BMPER: variants seen among roughly 807,000 people sequenced by gnomAD.
BMPER encodes the protein BMP-binding endothelial regulator protein.
Under a neutral mutation model 87.3 loss-of-function variants are expected in BMPER, and 45 were observed. That is an observed-to-expected ratio of 0.52 (90% CI 0.41 to 0.66). BMPER has a LOEUF of 0.66. Ranked by LOEUF, BMPER falls within the 30% of genes least tolerant of loss-of-function variation. BMPER has a pLI of 0.00. For synonymous variants in BMPER, 326 were observed against 316.2 expected (o/e 1.03, Z -0.33); for missense variants, 784 against 867.5 (o/e 0.90, Z 1.21).
chr7:33,914,082 C>T (rs1301569050), intron 2 of BMPER, among the ~76,000 whole-genome samples: 1 of 150,680 alleles, frequency 6.6e-6, no homozygotes, highest in Non-Finnish European at 1.5e-5. Context: ...CTGCCTCAGC[C>T]CTCCCGAGTA....
At chr7:33,967,283 C>T (rs1053461071) in intron 4 of BMPER, among the ~76,000 whole-genome samples, 3 of 152,186 alleles carry the variant, frequency 2.0e-5, no homozygotes, top group Non-Finnish European at 2.9e-5. Flanking sequence ...ATTTCTTCTT[C>T]GTAGAAAAGG....
rs774491243 is a variant in BMPER at position 34,058,157 on chromosome 7, C to T, written c.1026C>T (p.Cys342=). The T allele has an allele frequency of 1.1e-5, 18 of 1,613,418 alleles. No individual in the cohort carries two copies. The highest frequency in any genetic ancestry group is 1.5e-5 in the Non-Finnish European group (18 of 1,179,476). The part of the protein sequence containing the change: ...RNKQCIPISS[C]PQGKILNRKG... ...AGCAGTGCATTCCCATCAGTAGCTG[C>T]CCACAGGTATGTTTGGAACACAGAT... Residue 342 remains cysteine (C), a synonymous_variant, in exon 10 of 15, where the codon TGC becomes TGT. Coordinates refer to ENST00000649409, the MANE Select transcript of BMPER (RefSeq NM_001365308.1).
At chr7:34,004,208 G>C (rs531785092) in intron 6 of BMPER, among the ~76,000 whole-genome samples, 1 of 151,976 alleles carries the variant, frequency 6.6e-6, no homozygotes, top group Admixed American at 6.6e-5. Flanking sequence ...TTTCATTACA[G>C]TTATTGTATT....
chr7:34,069,231 C>A (rs145309522), intron 11 of BMPER, among the ~76,000 whole-genome samples: 1 of 152,132 alleles, frequency 6.6e-6, no homozygotes, highest in Non-Finnish European at 1.5e-5. Flanking sequence ...AACAAATGAA[C>A]AATAGAAACC....
chr7:34,124,992 T>C (rs992242801), intron 13 of BMPER, among the ~76,000 whole-genome samples: 3 of 151,932 alleles, frequency 2.0e-5, no homozygotes, highest in African/African-American at 7.3e-5. Flanking sequence ...CAACCTTGCA[T>C]TCCTAAAAAA....
intron 12 of BMPER, among the ~76,000 whole-genome samples, chr7:34,081,873 C>A (rs190700360): frequency 3.4e-4 from 51 of 152,238 alleles, no homozygotes; most frequent in Middle Eastern, 3.4e-3. Flanking sequence ...TTTGCACCTC[C>A]TCTCTCCTTT....
chr7:34,129,627 AGAG>A (rs1790513837), intron 13 of BMPER, among the ~76,000 whole-genome samples: 1 of 145,046 alleles, frequency 6.9e-6, no homozygotes, highest in Non-Finnish European at 1.5e-5. Context: ...AGAGAGAGAA[AGAG>A]AGAAAGAAAG....
chr7:33,914,001 G>A (rs1177717889), intron 2 of BMPER, among the ~76,000 whole-genome samples: 2 of 142,212 alleles, frequency 1.4e-5, no homozygotes, highest in African/African-American at 5.3e-5. Context: ...TCGCTCAGTT[G>A]CCCAGGCTGG....
intron 7 of BMPER, 48 bp from the exon 8 acceptor site, chr7:34,051,813 A>T (rs1788151614): frequency 6.8e-7 from 1 of 1,465,252 alleles, no homozygotes; most frequent in Non-Finnish European, 9.6e-7. Flanking sequence ...ACAAAATGGG[A>T]CATCCCCGAT....
intron 5 of BMPER, among the ~76,000 whole-genome samples, chr7:33,971,470 G>A (rs1010112201): frequency 2.6e-5 from 4 of 152,132 alleles, no homozygotes; most frequent in Admixed American, 2.0e-4. Flanking sequence ...TTGTTCATGA[G>A]CTTACATGAA....
At chr7:34,019,070 A>G (rs1231988351) in intron 6 of BMPER, among the ~76,000 whole-genome samples, 1 of 151,978 alleles carries the variant, frequency 6.6e-6, no homozygotes, top group Non-Finnish European at 1.5e-5. Context: ...GACTTGCTTG[A>G]CAACTTATTT....
chr7:34,000,590 G>GTC (rs919024896), intron 6 of BMPER, among the ~76,000 whole-genome samples: 3 of 152,082 alleles, frequency 2.0e-5, no homozygotes, highest in South Asian at 2.1e-4. Flanking sequence ...CTCTCTTTCT[G>GTC]TCTCTCTCTC....
chr7:34,094,012 C>T (rs920655008), intron 13 of BMPER, among the ~76,000 whole-genome samples: 16 of 152,144 alleles, frequency 1.1e-4, no homozygotes, highest in Non-Finnish European at 2.1e-4. Flanking sequence ...CATTCCAGGT[C>T]GCCTGCGCAG....
rs376447828 is a variant in BMPER, at chr7:33,945,243, C to CTTTT, written c.319+7877_319+7880dup. Among the ~76,000 whole-genome samples, 117 of 81,764 alleles carry CTTTT rather than the reference C, an allele frequency of 1.4e-3. 1 individual carries two copies. The highest frequency in any genetic ancestry group is 3.1e-3 in the East Asian group (7 of 2,292). The allele number at this position is 81,764 out of a possible 152,430, so 53.6% of individuals were successfully genotyped here. On this transcript the variant is annotated intron_variant, in intron 3 of 14. Transcript: ENST00000649409. ...GGCCTGAGCCACCGCGCCTGGACTT[C>CTTTT]TTTTTTTTTTTTTTTTTTTTTTTTT...
intron 13 of BMPER, among the ~76,000 whole-genome samples, chr7:34,113,554 T>A (rs1225559218): frequency 6.6e-6 from 1 of 151,816 alleles, no homozygotes; most frequent in Non-Finnish European, 1.5e-5. Flanking sequence ...TAGAATGCTT[T>A]CAGTACACAG....
intron 7 of BMPER, among the ~76,000 whole-genome samples, chr7:34,047,400 TC>T (rs1464927482): frequency 1.3e-5 from 2 of 152,124 alleles, no homozygotes; most frequent in Non-Finnish European, 2.9e-5. Flanking sequence ...TGCTTCAGCC[TC>T]CCAAGTAGCT....
chr7:34,009,463 G>A (rs1786821566), intron 6 of BMPER, among the ~76,000 whole-genome samples: 1 of 151,912 alleles, frequency 6.6e-6, no homozygotes. Flanking sequence ...GGACCACCTT[G>A]GCAGTTGCAT....
At chr7:34,120,900 C>T (rs1431909324) in intron 13 of BMPER, among the ~76,000 whole-genome samples, 5 of 151,808 alleles carry the variant, frequency 3.3e-5, no homozygotes, top group South Asian at 2.1e-4. Context: ...ATACCATGTA[C>T]GTAAAATTCA....
chr7:34,096,482 T>A (rs1346699028), intron 13 of BMPER, among the ~76,000 whole-genome samples: 6 of 152,158 alleles, frequency 3.9e-5, no homozygotes, highest in Non-Finnish European at 7.4e-5. Context: ...TTAAAATTGA[T>A]GGGGGCATGT....
Sources: allele counts gnomAD v4.1 joint callset (sites outside exome capture counted in the v4.1 genomes callset), GRCh38; gene constraint gnomAD v4.1.1; transcripts MANE v1.5; gene names NCBI Gene and HGNC (gene_info 2026-07-23, HGNC 2026-07-21).